CDH12: variants seen among roughly 807,000 people sequenced by gnomAD.
The protein encoded by CDH12 is cadherin-12.
A neutral mutation model predicts 74.1 loss-of-function variants in CDH12; 41 were observed. The ratio of observed to expected loss-of-function variants is 0.55; its 90% CI spans 0.43 to 0.72. CDH12 has a LOEUF of 0.72. CDH12 is among the 30% of genes least tolerant of loss of function. The pLI is 0.00. For synonymous variants in CDH12, 399 were observed against 355.0 expected, an observed-to-expected ratio of 1.12 and a Z score of -1.39; for missense variants, 945 against 977.2, an observed-to-expected ratio of 0.97 and a Z score of 0.44.
intron 3 of CDH12, among the ~76,000 whole-genome samples, chr5:22,390,092 A>G (rs1037353971): frequency 6.6e-6 from 1 of 152,118 alleles, no homozygotes; most frequent in African/African-American, 2.4e-5. Flanking sequence ...GCATCCTTGA[A>G]GACAAACATC....
chr5:22,534,198 T>C (rs1737720680), intron 1 of CDH12, among the ~76,000 whole-genome samples: 1 of 152,146 alleles, frequency 6.6e-6, no homozygotes, highest in Admixed American at 6.5e-5. Context: ...ACTTCTTTTT[T>C]TTTTAATTTT....
At chr5:22,767,651 T>C (rs1746590533) in intron 1 of CDH12, among the ~76,000 whole-genome samples, 1 of 152,010 alleles carries the variant, frequency 6.6e-6, no homozygotes, top group African/African-American at 2.4e-5. Context: ...TGCTTATTTC[T>C]AGAAGCTATG....
chr5:21,956,542 A>G (rs1426107111), intron 6 of CDH12, among the ~76,000 whole-genome samples: 1 of 151,770 alleles, frequency 6.6e-6, no homozygotes. Flanking sequence ...GATATTTTTA[A>G]TTTCTGACAT....
chr5:22,140,597 G>A (rs1746733870), intron 4 of CDH12, among the ~76,000 whole-genome samples: 1 of 152,002 alleles, frequency 6.6e-6, no homozygotes, highest in African/African-American at 2.4e-5. Context: ...AGCAAATATT[G>A]ACACATTTCT....
At chr5:22,079,443 A>C (rs1415772986) in intron 4 of CDH12, among the ~76,000 whole-genome samples, 1 of 152,202 alleles carries the variant, frequency 6.6e-6, no homozygotes, top group Admixed American at 6.5e-5. Flanking sequence ...AAAAGCAAAA[A>C]GTTCCTGAAG....
At chr5:21,853,002 C>T (rs993343651) in intron 7 of CDH12, among the ~76,000 whole-genome samples, 4 of 151,394 alleles carry the variant, frequency 2.6e-5, no homozygotes, top group African/African-American at 7.3e-5. Flanking sequence ...TATATTCAGC[C>T]TATTGTCCAG....
chr5:22,359,839 G>A (rs537502295), intron 3 of CDH12, among the ~76,000 whole-genome samples: 15 of 152,090 alleles, frequency 9.9e-5, no homozygotes, highest in South Asian at 6.2e-4. Context: ...TACTGGGTAC[G>A]TAACGAAATG....
chr5:22,055,738 A>C (rs1268929805), intron 5 of CDH12, among the ~76,000 whole-genome samples: 1 of 152,102 alleles, frequency 6.6e-6, no homozygotes, highest in Non-Finnish European at 1.5e-5. Flanking sequence ...ATAAAAATAA[A>C]AACATAATCT....
rs541212124 is a variant in CDH12, at chr5:22,529,158, C to T, written c.-522-23794G>A. Among the ~76,000 whole-genome samples the T allele has an allele frequency of 1.4e-3, 142 of 100,526 alleles. 1 individual carries two copies. The highest frequency in any genetic ancestry group is 2.6e-3 in the Non-Finnish European group (127 of 49,256). The allele number at this position is 100,526 out of a possible 152,430, so 65.9% of individuals were successfully genotyped here. ...ATGCATATATATACACATATATATA[C>T]ACATGTGTATATATATATATATATA... On this transcript the variant is annotated intron_variant, in intron 1 of 14. Transcript: ENST00000382254.
chr5:22,515,634 A>G (rs2126677949), intron 1 of CDH12, among the ~76,000 whole-genome samples: 1 of 152,178 alleles, frequency 6.6e-6, no homozygotes, highest in East Asian at 1.9e-4. Context: ...AATATACAGC[A>G]AAGCTGATGT....
At chr5:21,813,152 C>T (rs1228576186) in intron 9 of CDH12, among the ~76,000 whole-genome samples, 2 of 152,110 alleles carry the variant, frequency 1.3e-5, no homozygotes, top group African/African-American at 2.4e-5. Context: ...AGTTACTGTT[C>T]TCTTAAGACA....
intron 6 of CDH12, among the ~76,000 whole-genome samples, chr5:21,876,632 T>C (rs1751953211): frequency 6.6e-6 from 1 of 152,220 alleles, no homozygotes. Context: ...TCACCTAGGT[T>C]ATAGTGTTAT....
chr5:22,535,233 C>A (rs1252679167), intron 1 of CDH12, among the ~76,000 whole-genome samples: 2 of 145,488 alleles, frequency 1.4e-5, no homozygotes, highest in Non-Finnish European at 3.0e-5. Flanking sequence ...TGGCTCAATG[C>A]AAGCTCCGCT....
At chr5:22,778,101 G>C (rs963438022) in intron 1 of CDH12, among the ~76,000 whole-genome samples, 1 of 152,076 alleles carries the variant, frequency 6.6e-6, no homozygotes, top group Non-Finnish European at 1.5e-5. Context: ...CATCATGCCC[G>C]GCCAGATATT....
intron 5 of CDH12, among the ~76,000 whole-genome samples, chr5:22,020,946 C>T (rs1436414219): frequency 6.6e-6 from 1 of 152,062 alleles, no homozygotes; most frequent in Admixed American, 6.6e-5. Flanking sequence ...TTGGTGAGTG[C>T]TGTTTTTATT....
At chr5:22,413,057 G>A (rs2126476955) in intron 2 of CDH12, among the ~76,000 whole-genome samples, 1 of 152,022 alleles carries the variant, frequency 6.6e-6, no homozygotes, top group African/African-American at 2.4e-5. Context: ...AGTTAAATAT[G>A]TCATTGCTTT....
At chr5:22,127,420 T>G (rs532357756) in intron 4 of CDH12, among the ~76,000 whole-genome samples, 1 of 148,578 alleles carries the variant, frequency 6.7e-6, no homozygotes, top group East Asian at 2.0e-4. Flanking sequence ...GAGGTTGCAG[T>G]GTGCCAAGAC....
chr5:21,883,406 G>T (rs878927807), intron 6 of CDH12: 282 of 1,563,580 alleles, frequency 1.8e-4, no homozygotes, highest in Non-Finnish European at 1.9e-4. Flanking sequence ...AGCCTTTGGT[G>T]ATAATCGCTG....
chr5:21,971,918 A>G (rs1239617336), intron 6 of CDH12, among the ~76,000 whole-genome samples: 2 of 152,160 alleles, frequency 1.3e-5, no homozygotes, highest in Non-Finnish European at 2.9e-5. Flanking sequence ...CTCTTAAACA[A>G]TTCATAGATT....
Sources: allele counts gnomAD v4.1 joint callset (sites outside exome capture counted in the v4.1 genomes callset), GRCh38; gene constraint gnomAD v4.1.1; transcripts MANE v1.5; gene names NCBI Gene and HGNC (gene_info 2026-07-23, HGNC 2026-07-21).